Variants in HECTD4 observed in about 807,000 individuals in gnomAD.
The protein encoded by HECTD4 is probable E3 ubiquitin-protein ligase HECTD4.
In HECTD4, 114 loss-of-function variants were observed where a neutral mutation model predicts 471.5. The ratio of observed to expected loss-of-function variants is 0.24; its 90% CI spans 0.21 to 0.28. The LOEUF (loss-of-function observed/expected upper bound fraction) is 0.28, where lower values mean the gene tolerates loss of function less well. Ranked by LOEUF, HECTD4 falls within the 10% of genes least tolerant of loss-of-function variation. The pLI is 1.00. For synonymous variants in HECTD4, 2,012 were observed against 2,256.0 expected, an observed-to-expected ratio of 0.89 and a Z score of 3.07; for missense variants, 3,866 against 5,651.5, an observed-to-expected ratio of 0.68 and a Z score of 10.13.
rs768156477 is a variant in HECTD4, at chr12:112,200,805, T to G, written c.8407-7A>C. The G allele has an allele frequency of 6.2e-7, 1 of 1,608,744 alleles. No homozygotes were observed. The highest frequency in any genetic ancestry group is 8.5e-7 in the Non-Finnish European group (1 of 1,176,088). Reference sequence around the variant, plus strand: ...CCTGCACCAGTTCATTCACCTACAATAGGAAAAGAAAATGTCTGTTTGTGC... The same window carrying G: ...CCTGCACCAGTTCATTCACCTACAAGAGGAAAAGAAAATGTCTGTTTGTGC... On this transcript the variant is annotated splice_region_variant and splice_polypyrimidine_tract_variant and intron_variant, in intron 54 of 75. Transcript: ENST00000682272.
rs2032836089 is a variant in HECTD4, at chr12:112,213,830, T to C, written c.7466-1180A>G. On this transcript the variant is annotated intron_variant, in intron 48 of 75. Coordinates refer to ENST00000682272, the MANE Select transcript of HECTD4 (RefSeq NM_001388303.1). This position sits in a 1 kb window ranked among gnomAD's most constrained non-coding sequence, Gnocchi z 4.0. ...TGAGCCCAGGAGTTCAAGACCAGCC[T>C]AGGCAACACAGTGAGACCTCGTCTC... Among the ~76,000 whole-genome samples, 1 of 151,460 alleles carries C rather than the reference T, an allele frequency of 6.6e-6. No individual in the cohort carries two copies. Among genetic ancestry groups the C allele is most frequent in the African/African-American group, 2.4e-5 (1 of 41,278 alleles).
chr12:112,381,908 A>T lies in HECTD4; in HGVS notation c.177+44T>A. 1 of 1,204,244 alleles carries T rather than the reference A, an allele frequency of 8.3e-7. No individual in the cohort carries two copies. Among genetic ancestry groups the T allele is most frequent in the Middle Eastern group, 3.2e-4 (1 of 3,104 alleles). 74.6% of individuals were successfully genotyped at this position (1,204,244 alleles called of 1,614,324 possible). On this transcript the variant is annotated intron_variant, in intron 1 of 75. Transcript: ENST00000682272. This position sits in a 1 kb window ranked among gnomAD's most constrained non-coding sequence, Gnocchi z 4.1. ...GGGCCCGACCCGGGGGTGCCGGGCGAGTGGGTCAGTCCGATGGCGGGGGCC... is the reference window on the plus strand; with the variant it reads ...GGGCCCGACCCGGGGGTGCCGGGCGTGTGGGTCAGTCCGATGGCGGGGGCC...
intron 55 of HECTD4, among the ~76,000 whole-genome samples, chr12:112,200,090 C>T (rs915557972): frequency 6.6e-6 from 1 of 152,132 alleles, no homozygotes; most frequent in Non-Finnish European, 1.5e-5. Flanking sequence ...TCTCTAGCTA[C>T]CCATCAGTCC....
chr12:112,237,507 T>G, intron 34 of HECTD4, among the ~76,000 whole-genome samples: 1 of 152,130 alleles, frequency 6.6e-6, no homozygotes. Context: ...TATGAAAAAG[T>G]ATTTGTTGTT....
At chr12:112,198,957 G>T (rs2032330976) in intron 55 of HECTD4, among the ~76,000 whole-genome samples, 1 of 152,116 alleles carries the variant, frequency 6.6e-6, no homozygotes, top group Admixed American at 6.5e-5. Flanking sequence ...CAGCTTCAAG[G>T]CTTCTGGAGC....
chr12:112,209,936 G>C, intron 50 of HECTD4, 79 bp downstream of exon 50: 2 of 1,193,830 alleles, frequency 1.7e-6, no homozygotes, highest in Non-Finnish European at 2.4e-6. Flanking sequence ...GGATGCTCAA[G>C]TGCAATGGGT....
chr12:112,171,337 C>T, intron 67 of HECTD4, 74 bp from the exon 68 acceptor site: 2 of 1,541,080 alleles, frequency 1.3e-6, no homozygotes, highest in Non-Finnish European at 1.7e-6. Context: ...GCAACACAGG[C>T]AACCCTATCA....
Position 112,235,767 on chromosome 12 carries a change from G to T in HECTD4, c.5462C>A (p.Ala1821Asp). The change falls in exon 36 of 76, where the codon GCC becomes GAC. Residue 1821 changes from alanine to aspartate, a missense_variant. Physicochemically the swap from Ala to Asp is moderately radical, Grantham distance 126 (BLOSUM62 -2). This residue lies in a region of HECTD4 where 12 missense variants were observed against 48.0 expected (regional missense o/e 0.25). Coordinates refer to ENST00000682272, the MANE Select transcript of HECTD4 (RefSeq NM_001388303.1). This position sits in a 1 kb window ranked among gnomAD's most constrained non-coding sequence, Gnocchi z 5.0. ...CACACAAGCTGGCTGGCTCAGGATG[G>T]CTTTACCTATGTGGCTCCTGGGAAA... ...NDLSRSHIGK[A>D]ILSQPACVSK... 6.2e-7 allele frequency: 1 copy of T among 1,612,892 alleles called. No individual in the cohort carries two copies. The highest frequency in any genetic ancestry group is 8.5e-7 in the Non-Finnish European group (1 of 1,179,366).
chr12:112,184,257 A>G lies in HECTD4; in HGVS notation c.10709T>C (p.Met3570Thr), dbSNP rs1165411082. The G allele has an allele frequency of 6.2e-7, 1 of 1,613,582 alleles. No individual in the cohort carries two copies. Among genetic ancestry groups the G allele is most frequent in the Non-Finnish European group, 8.5e-7 (1 of 1,179,882 alleles). The change falls in exon 61 of 76, where the codon ATG becomes ACG. Residue 3570 changes from methionine (M) to threonine (T), a missense_variant. Physicochemically the swap from Met to Thr is moderately conservative, Grantham distance 81. Transcript: ENST00000682272. The surrounding 1 kb of genome is among the most constrained non-coding windows in gnomAD (Gnocchi z 9.1). Reference protein sequence around the residue: ...ETASVSDMGSMYTVTSLDNQP... With the variant: ...ETASVSDMGSTYTVTSLDNQP... ...GTTGTCCAGGGAAGTGACTGTGTAC[A>G]TGGAGCCCATGTCCGACACCGAGGC...
intron 35 of HECTD4, among the ~76,000 whole-genome samples, chr12:112,236,678 AG>A (rs1478614522): frequency 6.6e-6 from 1 of 152,242 alleles, no homozygotes; most frequent in African/African-American, 2.4e-5. Flanking sequence ...TCTATGGGAA[AG>A]GTTAGCAGCT....
intron 4 of HECTD4, 59 bp downstream of exon 4, chr12:112,312,958 T>G: frequency 7.0e-7 from 1 of 1,430,396 alleles, no homozygotes; most frequent in South Asian, 1.2e-5. Context: ...GCTACAGTGA[T>G]CTAAAACCTC....
intron 44 of HECTD4, 112 bp from the exon 45 acceptor site, chr12:112,219,601 A>AC (rs2033032230): frequency 1.5e-6 from 1 of 668,706 alleles, no homozygotes; most frequent in African/African-American, 1.9e-5. Context: ...GAGCTCATTG[A>AC]ATTTTTTTTT....
intron 45 of HECTD4, among the ~76,000 whole-genome samples, chr12:112,217,694 T>TA (rs1261083694): frequency 1.3e-5 from 2 of 152,232 alleles, no homozygotes; most frequent in African/African-American, 4.8e-5. Flanking sequence ...TTTTTCCAAA[T>TA]AAAATTTTTA....
chr12:112,315,852 C>A (rs940159358), intron 2 of HECTD4, among the ~76,000 whole-genome samples: 1 of 140,142 alleles, frequency 7.1e-6, no homozygotes, highest in Non-Finnish European at 1.5e-5. Flanking sequence ...GCTATGATCA[C>A]ACCACTGCAC....
intron 49 of HECTD4, among the ~76,000 whole-genome samples, chr12:112,211,882 TG>T (rs1346765877): frequency 6.6e-6 from 1 of 152,188 alleles, no homozygotes; most frequent in East Asian, 1.9e-4. Flanking sequence ...AACCTTGACA[TG>T]CCAATAAGGC....
intron 66 of HECTD4, among the ~76,000 whole-genome samples, chr12:112,174,122 C>A (rs943130841): frequency 4.6e-5 from 7 of 151,984 alleles, no homozygotes. Flanking sequence ...GGATTACAGG[C>A]GTGCGCCACC....
At chr12:112,302,454 G>C (rs529344739) in intron 7 of HECTD4, 3 of 751,918 alleles carry the variant, frequency 4.0e-6, no homozygotes, top group East Asian at 4.9e-5. Context: ...ACTTTCAGCT[G>C]CTTATAGAGG....
rs181390269 is a variant in HECTD4 at position 112,312,232 on chromosome 12, T to A, written c.916+785A>T. The stretch of plus-strand genomic sequence containing the variant: ...ATGGCAACTATTTCCTGGGTTTTTT[T>A]AAAATTCCTATTTCATCAGTTATGT... On this transcript the variant is annotated intron_variant, in intron 4 of 75. Coordinates refer to ENST00000682272, the MANE Select transcript of HECTD4 (RefSeq NM_001388303.1). 1.2e-3 allele frequency among the ~76,000 whole-genome samples: 188 copies of A among 152,360 alleles called. 1 individual carries two copies. The highest frequency in any genetic ancestry group is 4.1e-3 in the African/African-American group (171 of 41,574).
In HECTD4 at chr12:112,319,644, G is replaced by A. The variant is rs2035547035; in HGVS notation, c.276C>T (p.Tyr92=). Residue 92 remains tyrosine, a synonymous_variant, in exon 2 of 76, where the codon TAC becomes TAT. Transcript: ENST00000682272. This position sits in a 1 kb window ranked among gnomAD's most constrained non-coding sequence, Gnocchi z 5.3. ...ACAGTCCTCGCAAGGCATTCAGGCG[G>A]TATTCCAGCAGCCGGGCATAGGCAT... ...QSNAYARLLE[Y]RLNALRGLWN... The A allele has an allele frequency of 1.5e-6, 2 of 1,362,442 alleles. No individual in the cohort carries two copies. The highest frequency in any genetic ancestry group is 4.2e-5 in the South Asian group (2 of 48,190). The allele number at this position is 1,362,442 out of a possible 1,614,324, so 84.4% of individuals were successfully genotyped here.
Sources: gnomAD v4.1 joint callset for allele counts (sites outside exome capture counted in the v4.1 genomes callset) on GRCh38, gnomAD v4.1.1 for gene constraint, gnomAD v4.1.1 regional missense constraint, Gnocchi (gnomAD v3.1) non-coding constraint, MANE v1.5 for transcripts, NCBI Gene and HGNC (gene_info 2026-07-23, HGNC 2026-07-21) for gene names.